ATP2B2: variants seen among roughly 807,000 people sequenced by gnomAD.
The protein encoded by ATP2B2 is plasma membrane calcium-transporting ATPase 2.
In ATP2B2, 15 loss-of-function variants were observed where a neutral mutation model predicts 120.0. The observed-to-expected ratio is 0.12, with a 90% CI of 0.08 to 0.19. ATP2B2 has a LOEUF of 0.19. ATP2B2 is among the 10% of genes least tolerant of loss of function. The pLI is 1.00. For missense variants in ATP2B2, 1,045 were observed against 1,719.8 expected (o/e 0.61, Z 6.94); for synonymous variants, 694 against 700.3 (o/e 0.99, Z 0.14).
At chr3:10,575,008 C>G (rs1156502802) in intron 2 of ATP2B2, among the ~76,000 whole-genome samples, 1 of 152,124 alleles carries the variant, frequency 6.6e-6, no homozygotes, top group Non-Finnish European at 1.5e-5. Context: ...TGGGACACAC[C>G]CAGACCCCAC....
At chr3:10,539,112 C>G (rs575366587) in intron 2 of ATP2B2, among the ~76,000 whole-genome samples, 1 of 152,174 alleles carries the variant, frequency 6.6e-6, no homozygotes, top group Non-Finnish European at 1.5e-5. Flanking sequence ...TGAGTGAACT[C>G]CCATTCACAA....
chr3:10,578,190 C>T (rs987944859), intron 2 of ATP2B2, among the ~76,000 whole-genome samples: 2 of 152,150 alleles, frequency 1.3e-5, no homozygotes, highest in African/African-American at 4.8e-5. Context: ...CATGGAGCAA[C>T]AGAGGCTCTC....
At chr3:10,654,719 T>G (rs1219136914) in intron 1 of ATP2B2, among the ~76,000 whole-genome samples, 1 of 151,366 alleles carries the variant, frequency 6.6e-6, no homozygotes, top group Non-Finnish European at 1.5e-5. Flanking sequence ...TGCAGGGTTT[T>G]GGGAGGCTGT....
chr3:10,503,343 C>T (rs773380661), intron 1 of ATP2B2, among the ~76,000 whole-genome samples: 23 of 152,334 alleles, frequency 1.5e-4, no homozygotes, highest in Admixed American at 3.9e-4. Flanking sequence ...GCAGCAGCTG[C>T]GTCCCTGGCC....
At chr3:10,688,930 G>C (rs2125711346) in intron 1 of ATP2B2, among the ~76,000 whole-genome samples, 1 of 152,328 alleles carries the variant, frequency 6.6e-6, no homozygotes, top group South Asian at 2.1e-4. Flanking sequence ...CCATGGTGCA[G>C]ATGTGGAAAC....
At chr3:10,615,431 A>G (rs535066858) in intron 2 of ATP2B2, among the ~76,000 whole-genome samples, 2 of 152,178 alleles carry the variant, frequency 1.3e-5, no homozygotes, top group Non-Finnish European at 2.9e-5. Flanking sequence ...CAAGTTTTGG[A>G]TTTAGGCAAA....
At chr3:10,372,086 G>A in intron 11 of ATP2B2, 35 bp from the exon 12 acceptor site, 1 of 1,614,116 alleles carries the variant, frequency 6.2e-7, no homozygotes, top group Non-Finnish European at 8.5e-7. Context: ...GCAACAGTGA[G>A]GAGAGGGGCT....
intron 2 of ATP2B2, among the ~76,000 whole-genome samples, chr3:10,612,599 A>T (rs1293493721): frequency 6.6e-6 from 1 of 152,126 alleles, no homozygotes. Flanking sequence ...TTCCTCAGTT[A>T]TCCAGCCCCA....
At chr3:10,499,466 G>A (rs1172006057) in intron 1 of ATP2B2, among the ~76,000 whole-genome samples, 1 of 152,166 alleles carries the variant, frequency 6.6e-6, no homozygotes, top group Non-Finnish European at 1.5e-5. Context: ...CATTACATGG[G>A]AAAACAAAAA....
intron 5 of ATP2B2, among the ~76,000 whole-genome samples, chr3:10,400,682 A>G (rs2062188373): frequency 1.3e-5 from 2 of 152,152 alleles, no homozygotes; most frequent in Admixed American, 1.3e-4. Flanking sequence ...TAGTAAACCA[A>G]GTCACTAGAA....
chr3:10,538,508 C>T (rs985840303), intron 2 of ATP2B2, among the ~76,000 whole-genome samples: 2 of 152,132 alleles, frequency 1.3e-5, no homozygotes, highest in African/African-American at 2.4e-5. Flanking sequence ...TCCAGCAGCA[C>T]ATCAAAAAGC....
At chr3:10,669,251 G>A (rs947102613) in intron 1 of ATP2B2, among the ~76,000 whole-genome samples, 1 of 152,116 alleles carries the variant, frequency 6.6e-6, no homozygotes, top group Non-Finnish European at 1.5e-5. Context: ...CCACATCTTT[G>A]GGGTTACAGC....
intron 2 of ATP2B2, among the ~76,000 whole-genome samples, chr3:10,553,881 C>T (rs556224894): frequency 1.6e-4 from 25 of 152,110 alleles, no homozygotes; most frequent in Middle Eastern, 3.4e-3. Context: ...TTGTTTAGCA[C>T]TCAATAGGCA....
intron 8 of ATP2B2, among the ~76,000 whole-genome samples, chr3:10,379,713 G>A (rs541482494): frequency 3.3e-5 from 5 of 152,178 alleles, no homozygotes; most frequent in South Asian, 4.2e-4. Context: ...GTTCAGTTAC[G>A]TCCTTTTCAT....
chr3:10,484,122 C>T (rs1395785671), intron 1 of ATP2B2, among the ~76,000 whole-genome samples: 1 of 152,164 alleles, frequency 6.6e-6, no homozygotes, highest in Non-Finnish European at 1.5e-5. Context: ...AGGTCTGAAG[C>T]ATCGTGATGG....
intron 2 of ATP2B2, among the ~76,000 whole-genome samples, chr3:10,543,615 A>G (rs1163803040): frequency 6.6e-6 from 1 of 152,218 alleles, no homozygotes; most frequent in Non-Finnish European, 1.5e-5. Context: ...CTGTACCACA[A>G]TAGATTTGTT....
chr3:10,477,668 C>T (rs1373681004), intron 1 of ATP2B2, among the ~76,000 whole-genome samples: 4 of 152,194 alleles, frequency 2.6e-5, no homozygotes, highest in African/African-American at 4.8e-5. Context: ...TTATGGCTGG[C>T]TTATTTCACT....
intron 2 of ATP2B2, among the ~76,000 whole-genome samples, chr3:10,443,907 T>G (rs2063750043): frequency 6.6e-6 from 1 of 152,152 alleles, no homozygotes; most frequent in Non-Finnish European, 1.5e-5. Context: ...AAAACTGAGG[T>G]TGTCGGAGAC....
intron 2 of ATP2B2, among the ~76,000 whole-genome samples, chr3:10,413,832 T>C (rs1214332335): frequency 6.6e-6 from 1 of 152,196 alleles, no homozygotes; most frequent in African/African-American, 2.4e-5. Flanking sequence ...ATGGTGTGAA[T>C]GAGTTTCATT....
Sources: allele counts gnomAD v4.1 joint callset (sites outside exome capture counted in the v4.1 genomes callset), GRCh38; gene constraint gnomAD v4.1.1; transcripts MANE v1.5; gene names NCBI Gene and HGNC (gene_info 2026-07-23, HGNC 2026-07-21).